The following ROBO3 variants were observed in gnomAD, a reference collection of about 807,000 sequenced individuals.
ROBO3 encodes roundabout guidance receptor 3, also known as roundabout homolog 3.
Under a neutral mutation model 160.5 loss-of-function variants are expected in ROBO3, and 97 were observed. That is an observed-to-expected ratio of 0.60 (90% CI 0.51 to 0.72). The LOEUF is 0.72. Ranked by LOEUF, ROBO3 falls within the 30% of genes least tolerant of loss-of-function variation. The probability of loss-of-function intolerance (pLI) is 0.00; values close to 1 mark genes in which losing one functional copy is unlikely to be tolerated. For synonymous variants in ROBO3, 780 were observed against 746.2 expected (o/e 1.05, Z -0.74); for missense variants, 1,858 against 1,846.5 (o/e 1.01, Z -0.11).
chr11:124,877,230 C>T, intron 18 of ROBO3, 37 bp from the exon 19 acceptor site: 27 of 1,613,984 alleles, frequency 1.7e-5, no homozygotes, highest in Non-Finnish European at 2.3e-5. Context: ...CCGGGACGGG[C>T]CCTTCTCTCA....
At position 124,880,559 on chromosome 11, in the gene ROBO3, G is replaced by A. The variant is rs200255001; in HGVS notation, c.4100G>A (p.Arg1367Gln). The A allele has an allele frequency of 5.0e-5, 65 of 1,301,552 alleles. No homozygotes were observed. The highest frequency in any genetic ancestry group is 2.1e-4 in the Middle Eastern group (1 of 4,726). 80.6% of individuals were successfully genotyped at this position (1,301,552 alleles called of 1,614,324 possible). A position where few individuals can be genotyped will look rare whatever the true frequency, so the allele number is the denominator to read the frequency against. Residue 1367 changes from arginine to glutamine, a missense_variant, in exon 27 of 28, where the codon CGG (arginine) becomes CAG (glutamine). Transcript: ENST00000397801. ...GSRGPGRSRS[R>Q]SQSRSQSQRP... ...CGGGGCCCTGGCCGGAGCCGGAGTC[G>A]GAGTCAGAGCCGGAGCCAGAGCCAA...
In ROBO3 at chr11:124,872,334, C is replaced by T. The variant is rs899400586; in HGVS notation, c.1159-47C>T. On this transcript the variant is annotated intron_variant, in intron 7 of 27. Coordinates refer to ENST00000397801, the MANE Select transcript of ROBO3 (RefSeq NM_022370.4). This position sits in a 1 kb window ranked among gnomAD's most constrained non-coding sequence, Gnocchi z 4.3. Reference sequence around the variant, plus strand: ...GACAGGAATGGGGACCTCTCCCTGCCCAGCTGCCTGCTCATTCCCTACCCT... The same window carrying T: ...GACAGGAATGGGGACCTCTCCCTGCTCAGCTGCCTGCTCATTCCCTACCCT... The T allele has an allele frequency of 6.4e-7, 1 of 1,573,036 alleles. No homozygotes were observed. The highest frequency in any genetic ancestry group is 8.7e-7 in the Non-Finnish European group (1 of 1,142,946).
At chr11:124,880,230 T>C (rs571167624) in intron 26 of ROBO3, among the ~76,000 whole-genome samples, 188 bp from the exon 27 acceptor site, 76 of 152,306 alleles carry the variant, frequency 5.0e-4, no homozygotes, top group Non-Finnish European at 3.4e-4. Flanking sequence ...CCCGCAGCGT[T>C]CTGAGCACCC....
Position 124,875,716 on chromosome 11 carries a change from G to T in ROBO3, c.2421+31G>T, listed in dbSNP as rs978590792. The T allele has an allele frequency of 2.5e-6, 4 of 1,578,824 alleles. No homozygotes were observed. The East Asian group carries it at 9.0e-5, about 35-fold the overall frequency. ...GGGATTGAGGAGGGACTGGATGGGA[G>T]GGCCAGGCCGGGAGGGAGAGGGAGG... On this transcript the variant is annotated intron_variant, in intron 15 of 27. Coordinates refer to ENST00000397801, the MANE Select transcript of ROBO3 (RefSeq NM_022370.4).
chr11:124,865,460 C>A lies in ROBO3; in HGVS notation c.-118C>A. The A allele has an allele frequency of 9.6e-7, 1 of 1,037,174 alleles. No homozygotes were observed. The allele number at this position is 1,037,174 out of a possible 1,614,324, so 64.2% of individuals were successfully genotyped here. On this transcript the variant is annotated 5_prime_UTR_variant, in exon 1 of 28. Transcript: ENST00000397801. The surrounding 1 kb of genome is among the most constrained non-coding windows in gnomAD (Gnocchi z 5.5). ...CCCAGGCGCACCGGCAGGAGAGCGG[C>A]ACCGTGGCTGCCGCAGCGCGCAGAG...
intron 7 of ROBO3, 81 bp downstream of exon 7, chr11:124,871,219 T>G: frequency 2.7e-6 from 4 of 1,464,818 alleles, no homozygotes; most frequent in Non-Finnish European, 3.6e-6. Context: ...TGCAAACTTC[T>G]CTCTGGGGCT....
intron 7 of ROBO3, 132 bp downstream of exon 7, chr11:124,871,270 TA>T (rs1451221194): frequency 3.7e-6 from 4 of 1,086,798 alleles, no homozygotes; most frequent in Non-Finnish European, 3.8e-6. Flanking sequence ...CCTTGCAGGT[TA>T]TTTGAGAGGA....
rs937285608 is a variant in ROBO3 at position 124,872,225 on chromosome 11, A to G, written c.1159-156A>G. ...AATTCCCTGATGTTTTTGTGAATAC[A>G]TTTAACTACTTTGCCCAAGTTCACA... On this transcript the variant is annotated intron_variant, in intron 7 of 27. Coordinates refer to ENST00000397801, the MANE Select transcript of ROBO3 (RefSeq NM_022370.4). This position sits in a 1 kb window ranked among gnomAD's most constrained non-coding sequence, Gnocchi z 4.3. 1.3e-5 allele frequency among the ~76,000 whole-genome samples: 2 copies of G among 152,224 alleles called. No homozygotes were observed. Among genetic ancestry groups the G allele is most frequent in the African/African-American group, 4.8e-5 (2 of 41,472 alleles).
chr11:124,880,744 G>C, intron 27 of ROBO3, 136 bp downstream of exon 27: 35 of 1,273,978 alleles, frequency 2.7e-5, no homozygotes, highest in East Asian at 1.0e-4. Context: ...GTGAGGGGGA[G>C]GGAGGAATCC....
At position 124,879,580 on chromosome 11, in the gene ROBO3, G is replaced by C; in HGVS notation, c.3796+5G>C. 2 of 1,607,808 alleles carry C rather than the reference G, an allele frequency of 1.2e-6. No individual in the cohort carries two copies. The highest frequency in any genetic ancestry group is 1.7e-6 in the Non-Finnish European group (2 of 1,175,210). ...GGAGGGAGAACAGTCCTGGGGGTGA[G>C]GGGGGATGCACCTGGGAGATGGTGA... On this transcript the variant is annotated splice_donor_5th_base_variant and intron_variant, in intron 25 of 27. Transcript: ENST00000397801.
At position 124,875,293 on chromosome 11, in the gene ROBO3, G is replaced by A. The variant is rs1946339714; in HGVS notation, c.2256G>A (p.Leu752=). Reference sequence around the variant, plus strand: ...TGCAAGCCCAAGGCCAGGAGGGGCTGGGGGCTGAAAGCCTCTCTGTGACCA... The same window carrying A: ...TGCAAGCCCAAGGCCAGGAGGGGCTAGGGGCTGAAAGCCTCTCTGTGACCA... The part of the protein sequence containing the change: ...IKVQAQGQEG[L]GAESLSVTRS... Residue 752 remains leucine (L), a synonymous_variant, in exon 14 of 28, where the codon CTG becomes CTA. Transcript: ENST00000397801. 6.2e-7 allele frequency: 1 copy of A among 1,613,602 alleles called. No individual in the cohort carries two copies. Among genetic ancestry groups the A allele is most frequent in the Admixed American group, 1.7e-5 (1 of 59,996 alleles).
chr11:124,872,569 A>C lies in ROBO3; in HGVS notation c.1330+17A>C. On this transcript the variant is annotated intron_variant, in intron 8 of 27. Transcript: ENST00000397801. The surrounding 1 kb of genome is among the most constrained non-coding windows in gnomAD (Gnocchi z 4.3). ...TAAAAGGAGGTACGTGCCCATGGAG[A>C]TAGGACTGGATCCATGGCTTGGGAG... 1 of 1,605,504 alleles carries C rather than the reference A, an allele frequency of 6.2e-7. No homozygotes were observed. Among genetic ancestry groups the C allele is most frequent in the Non-Finnish European group, 8.5e-7 (1 of 1,173,306 alleles).
intron 1 of ROBO3, among the ~76,000 whole-genome samples, chr11:124,866,067 C>T (rs1403249676): frequency 6.6e-6 from 1 of 152,166 alleles, no homozygotes; most frequent in South Asian, 2.1e-4. Context: ...GGGCCCAGCG[C>T]AGGGAGGGCA....
Position 124,876,793 on chromosome 11 carries a change from AGGGG to A in ROBO3, c.2779+335_2779+338del. ...AGGGCGGGGGGCGGGGCCTGGCAAGAGGGGGTGTGGCCAGGATCCCAGGCAGTAA... is the reference window on the plus strand; with the variant it reads ...AGGGCGGGGGGCGGGGCCTGGCAAGAGTGTGGCCAGGATCCCAGGCAGTAA... On this transcript the variant is annotated intron_variant, in intron 17 of 27. Transcript: ENST00000397801. The surrounding 1 kb of genome is among the most constrained non-coding windows in gnomAD (Gnocchi z 5.3). 1 of 474,856 alleles carries A rather than the reference AGGGG, an allele frequency of 2.1e-6. No individual in the cohort carries two copies. The highest frequency in any genetic ancestry group is 3.7e-6 in the Non-Finnish European group (1 of 267,550). The allele number at this position is 474,856 out of a possible 1,614,324, so 29.4% of individuals were successfully genotyped here. A position where few individuals can be genotyped will look rare whatever the true frequency, so the allele number is the denominator to read the frequency against.
chr11:124,868,918 C>G lies in ROBO3; in HGVS notation c.277C>G (p.Pro93Ala). The change falls in exon 2 of 28, where the codon CCC becomes GCC. Residue 93 changes from proline (P) to alanine (A), a missense_variant. Pro to Ala is a conservative substitution (Grantham distance 27). Coordinates refer to ENST00000397801, the MANE Select transcript of ROBO3 (RefSeq NM_022370.4). ...LPCRAEGRPR[P>A]NIEWYKNGAR... ...CTGCCGCGCTGAAGGCCGACCCCGA[C>G]CCAACATTGAGTGGTACAAGAACGG... is the stretch of plus-strand genomic sequence containing the variant. 1 of 1,607,880 alleles carries G rather than the reference C, an allele frequency of 6.2e-7. No homozygotes were observed.
At position 124,875,702 on chromosome 11, in the gene ROBO3, G is replaced by A; in HGVS notation, c.2421+17G>A. 6.3e-7 allele frequency: 1 copy of A among 1,589,620 alleles called. No individual in the cohort carries two copies. The highest frequency in any genetic ancestry group is 1.4e-5 in the African/African-American group (1 of 73,900). On this transcript the variant is annotated intron_variant, in intron 15 of 27. Transcript: ENST00000397801. ...GAATACCAGGTAGAGGGATTGAGGA[G>A]GGACTGGATGGGAGGGCCAGGCCGG... is the stretch of plus-strand genomic sequence containing the variant.
rs1402270786 is a variant in ROBO3, at chr11:124,871,109, G to T, written c.1129G>T (p.Ala377Ser). The T allele has an allele frequency of 6.2e-7, 1 of 1,613,360 alleles. No individual in the cohort carries two copies. Among genetic ancestry groups the T allele is most frequent in the African/African-American group, 1.3e-5 (1 of 74,926 alleles). Residue 377 changes from alanine (A) to serine (S), a missense_variant, in exon 7 of 28, where the codon GCC (alanine) becomes TCC (serine). Transcript: ENST00000397801. ...QCETKGNPPP[A>S]IFWQKEGSQV... is the part of the protein sequence containing the mutation. ...CGAGACCAAAGGAAACCCCCCACCT[G>T]CCATCTTCTGGCAGAAGGAGGGGAG... is the stretch of plus-strand genomic sequence containing the variant.
At position 124,871,018 on chromosome 11, in the gene ROBO3, A is replaced by T. The variant is rs1946273953; in HGVS notation, c.1038A>T (p.Pro346=). 6.2e-7 allele frequency: 1 copy of T among 1,605,940 alleles called. No individual in the cohort carries two copies. The highest frequency in any genetic ancestry group is 2.2e-5 in the East Asian group (1 of 44,588). The part of the protein sequence containing the change: ...EASGSLSVHV[P]PQLVTQPQDQ... ...TTTCTCACCTGCCCTTCCCAGTCCC[A>T]CCCCAGTTGGTGACCCAGCCCCAGG... The change falls in exon 7 of 28, where the codon CCA becomes CCT. Residue 346 remains proline, a synonymous_variant. Transcript: ENST00000397801.
rs1007563889 is a variant in ROBO3, at chr11:124,867,933, C to T, written c.161-869C>T. On this transcript the variant is annotated intron_variant, in intron 1 of 27. Transcript: ENST00000397801. ...TTGGCTGGACTAGGGGCTGAGAGTG[C>T]CGGAGTATAACAGGCTCCGGGATCC... 2.0e-5 allele frequency among the ~76,000 whole-genome samples: 3 copies of T among 152,208 alleles called. No homozygotes were observed. The East Asian group carries it at 5.8e-4, about 29-fold the overall frequency.
Sources: gnomAD v4.1 joint callset for allele counts (sites outside exome capture counted in the v4.1 genomes callset) on GRCh38, gnomAD v4.1.1 for gene constraint, Gnocchi (gnomAD v3.1) non-coding constraint, MANE v1.5 for transcripts, NCBI Gene and HGNC (gene_info 2026-07-23, HGNC 2026-07-21) for gene names.